HOATZ: variants seen among roughly 807,000 people sequenced by gnomAD.
The protein encoded by HOATZ is HOATZ cilia and flagella associated protein.
In HOATZ, 26 loss-of-function variants were observed where a neutral mutation model predicts 24.9. The ratio of observed to expected loss-of-function variants is 1.04; its 90% confidence interval spans 0.76 to 1.45. The LOEUF (loss-of-function observed/expected upper bound fraction) is 1.45, where lower values mean the gene tolerates loss of function less well. HOATZ is among the 40% of genes most tolerant of loss of function. HOATZ has a pLI of 0.00. For synonymous variants in HOATZ, 83 were observed against 76.6 expected (o/e 1.08, Z -0.43); for missense variants, 226 against 201.5 (o/e 1.12, Z -0.74).
Position 111,515,019 on chromosome 11 carries a change from A to G in HOATZ, c.226+9A>G. On this transcript the variant is annotated intron_variant, in intron 1 of 5. Coordinates refer to ENST00000375618, the MANE Select transcript of HOATZ (RefSeq NM_001100388.2). ...GAGGAGCAGAGGGTCTGGTGAGTAGAATAGCGGCCTCCTGTCAGTCATATC... is the reference window on the plus strand; with the variant it reads ...GAGGAGCAGAGGGTCTGGTGAGTAGGATAGCGGCCTCCTGTCAGTCATATC... The G allele has an allele frequency of 6.2e-7, 1 of 1,602,796 alleles. No homozygotes were observed. Among genetic ancestry groups the G allele is most frequent in the South Asian group, 1.1e-5 (1 of 90,830 alleles).
chr11:111,526,706 T>A (rs1177816171), intron 3 of HOATZ: 1 of 152,152 alleles, frequency 6.6e-6, no homozygotes. Flanking sequence ...GGCCTGTGAA[T>A]ATATGGGCTA....
At position 111,516,100 on chromosome 11, in the gene HOATZ, A is replaced by C; in HGVS notation, c.329A>C (p.Tyr110Ser). The C allele has an allele frequency of 6.3e-7, 1 of 1,589,324 alleles. No individual in the cohort carries two copies. The highest frequency in any genetic ancestry group is 8.6e-7 in the Non-Finnish European group (1 of 1,163,872). Residue 110 changes from tyrosine (Y) to serine (S), a missense_variant, in exon 3 of 6, where the codon TAT (tyrosine) becomes TCT (serine). Physicochemically the swap from Tyr to Ser is moderately radical, Grantham distance 144 (BLOSUM62 -2). Coordinates refer to ENST00000375618, the MANE Select transcript of HOATZ (RefSeq NM_001100388.2). ...CAGGAATCTGAGGAGAAAGTAAAGT[A>C]TCTCCAAAAGGTAGGCCAATATTTC... ...KIQESEEKVK[Y>S]LQKAKTREEI...
chr11:111,515,875 AGTT>A lies in HOATZ; in HGVS notation c.269-161_269-159del, dbSNP rs537462352. ...GCCATAGCTAATTAACTCAGTCTCC[AGTT>A]GTTTGCAAATCTGGTTTGTAAAGTT... On this transcript the variant is annotated intron_variant, in intron 2 of 5. Transcript: ENST00000375618. Among the ~76,000 whole-genome samples, 832 of 152,336 alleles carry A rather than the reference AGTT, an allele frequency of 5.5e-3. 7 individuals are homozygous for A. The highest frequency in any genetic ancestry group is 9.5e-3 in the Non-Finnish European group (648 of 68,030).
intron 3 of HOATZ, among the ~76,000 whole-genome samples, chr11:111,523,275 G>T (rs1867292822): frequency 7.2e-6 from 1 of 138,696 alleles, no homozygotes; most frequent in South Asian, 2.3e-4. Context: ...ATGTTCCTAA[G>T]TGCAAGAAGG....
At chr11:111,523,421 T>C (rs993104557) in intron 3 of HOATZ, among the ~76,000 whole-genome samples, 3 of 152,144 alleles carry the variant, frequency 2.0e-5, no homozygotes, top group Non-Finnish European at 4.4e-5. Flanking sequence ...GAAACACACA[T>C]AAAACAAGGT....
At chr11:111,534,669 C>A in intron 5 of HOATZ, 1 of 558,170 alleles carries the variant, frequency 1.8e-6, no homozygotes, top group Non-Finnish European at 3.3e-6. Flanking sequence ...AATATGCAAG[C>A]ATAAGTTAGT....
At chr11:111,519,883 A>ACTCT (rs5794755) in intron 3 of HOATZ, among the ~76,000 whole-genome samples, 13,705 of 152,024 alleles carry the variant, frequency 0.09, 1,260 homozygotes, top group African/African-American at 0.24. Context: ...CACCTTTTTA[A>ACTCT]CTCTCCTCAA....
intron 3 of HOATZ, among the ~76,000 whole-genome samples, chr11:111,522,841 C>T (rs979724479): frequency 6.6e-6 from 1 of 152,066 alleles, no homozygotes; most frequent in African/African-American, 2.4e-5. Context: ...AAAATTGAGG[C>T]TGGGCAGGCC....
At chr11:111,516,451 A>G (rs1867201317) in intron 3 of HOATZ, among the ~76,000 whole-genome samples, 1 of 152,130 alleles carries the variant, frequency 6.6e-6, no homozygotes, top group South Asian at 2.1e-4. Flanking sequence ...GTACACACCT[A>G]CAATCCCAAT....
intron 3 of HOATZ, among the ~76,000 whole-genome samples, chr11:111,529,332 G>A (rs1159566364): frequency 2.0e-5 from 3 of 152,038 alleles, no homozygotes; most frequent in African/African-American, 7.2e-5. Context: ...CTTGCTCATA[G>A]TGTTAAAATG....
At chr11:111,536,616 C>T (rs1867453377) in intron 5 of HOATZ, 154 bp from the exon 6 acceptor site, 1 of 615,036 alleles carries the variant, frequency 1.6e-6, no homozygotes, top group Non-Finnish European at 2.9e-6. Context: ...ACTTCTCTCA[C>T]ATACAAGTTT....
Position 111,533,789 on chromosome 11 carries a change from G to A in HOATZ, c.383G>A (p.Arg128Lys), listed in dbSNP as rs1406432261. The change falls in exon 4 of 6, where the codon AGA becomes AAA. Residue 128 changes from arginine (R) to lysine (K), a missense_variant. Physicochemically the swap from Arg to Lys is conservative, Grantham distance 26. Coordinates refer to ENST00000375618, the MANE Select transcript of HOATZ (RefSeq NM_001100388.2). Reference sequence around the variant, plus strand: ...ATTCTCCAACTCTTAAGAAAACAAAGAGAAGAAAGGATCTCGGTGAGACCA... The same window carrying A: ...ATTCTCCAACTCTTAAGAAAACAAAAAGAAGAAAGGATCTCGGTGAGACCA... ...EEILQLLRKQREERISKELIS... is the reference protein window; with the variant it reads ...EEILQLLRKQKEERISKELIS... 6 of 1,574,368 alleles carry A rather than the reference G, an allele frequency of 3.8e-6. No individual in the cohort carries two copies. The African/African-American group carries it at 5.6e-5, about 15-fold the overall frequency.
intron 3 of HOATZ, among the ~76,000 whole-genome samples, chr11:111,517,165 T>C (rs1867215351): frequency 6.6e-6 from 1 of 152,198 alleles, no homozygotes; most frequent in African/African-American, 2.4e-5. Flanking sequence ...CTACTGGTGC[T>C]TCCCTCAAAC....
Position 111,514,908 on chromosome 11 carries a change from A to G in HOATZ, c.124A>G (p.Ile42Val), listed in dbSNP as rs1393319502. 2.5e-6 allele frequency: 4 copies of G among 1,613,952 alleles called. No individual in the cohort carries two copies. Among genetic ancestry groups the G allele is most frequent in the Non-Finnish European group, 3.4e-6 (4 of 1,180,002 alleles). The change falls in exon 1 of 6, where the codon ATC becomes GTC. Residue 42 changes from isoleucine to valine, a missense_variant. Ile to Val is a conservative substitution (Grantham distance 29). Coordinates refer to ENST00000375618, the MANE Select transcript of HOATZ (RefSeq NM_001100388.2). Reference protein sequence around the residue: ...QDANLAKQFWISASMYPPSES... With the variant: ...QDANLAKQFWVSASMYPPSES... ...TGCCAACTTGGCTAAGCAGTTCTGG[A>G]TCTCGGCGTCGATGTATCCCCCTAG...
At chr11:111,524,892 C>T (rs1225542531) in intron 3 of HOATZ, 1 of 447,264 alleles carries the variant, frequency 2.2e-6, no homozygotes, top group East Asian at 7.2e-5. Flanking sequence ...GACAAGGTCT[C>T]ACTCTGTCAC....
At chr11:111,517,477 T>A (rs769617301) in intron 3 of HOATZ, among the ~76,000 whole-genome samples, 3 of 152,198 alleles carry the variant, frequency 2.0e-5, no homozygotes, top group Non-Finnish European at 4.4e-5. Flanking sequence ...AGGCTAATAA[T>A]CTTAGAACTG....
chr11:111,529,645 G>A (rs1309501201), intron 3 of HOATZ, among the ~76,000 whole-genome samples: 1 of 152,032 alleles, frequency 6.6e-6, no homozygotes, highest in Non-Finnish European at 1.5e-5. Flanking sequence ...ACAGGCATGA[G>A]CCACCGCACC....
At chr11:111,531,134 T>C (rs1050471784) in intron 3 of HOATZ, among the ~76,000 whole-genome samples, 3 of 152,248 alleles carry the variant, frequency 2.0e-5, no homozygotes, top group Non-Finnish European at 4.4e-5. Flanking sequence ...TGGTCCATGA[T>C]TTCCCAATAG....
chr11:111,530,682 T>C (rs1867384813), intron 3 of HOATZ, among the ~76,000 whole-genome samples: 1 of 152,184 alleles, frequency 6.6e-6, no homozygotes, highest in Non-Finnish European at 1.5e-5. Context: ...TAAAATTCCA[T>C]TAATAAGCCC....
Sources: allele counts gnomAD v4.1 joint callset (sites outside exome capture counted in the v4.1 genomes callset), GRCh38; gene constraint gnomAD v4.1.1; transcripts MANE v1.5; gene names NCBI Gene and HGNC (gene_info 2026-07-23, HGNC 2026-07-21).